Variants in FGGY observed in about 807,000 individuals in gnomAD.
The protein encoded by FGGY is FGGY carbohydrate kinase domain containing.
FGGY carries 72 observed loss-of-function variants against 71.3 expected under a neutral mutation model. The ratio of observed to expected loss-of-function variants is 1.01; its 90% confidence interval spans 0.84 to 1.23. FGGY has a LOEUF of 1.23. Among genes scored for constraint, FGGY ranks in the 50% most tolerant of loss-of-function variants. FGGY has a pLI of 0.00. For synonymous variants in FGGY, 251 were observed against 250.3 expected (o/e 1.00, Z -0.02); for missense variants, 668 against 682.3 (o/e 0.98, Z 0.23).
intron 6 of FGGY, among the ~76,000 whole-genome samples, chr1:59,462,288 A>G (rs2092299357): frequency 6.6e-6 from 1 of 152,172 alleles, no homozygotes; most frequent in African/African-American, 2.4e-5. Flanking sequence ...CCTTCCTTAC[A>G]CCTTATACAA....
intron 14 of FGGY, among the ~76,000 whole-genome samples, chr1:59,747,202 A>G (rs536915411): frequency 3.9e-5 from 6 of 152,324 alleles, no homozygotes; most frequent in African/African-American, 1.4e-4. Context: ...TTTAGCAAGA[A>G]GCTTCCTATT....
In FGGY at chr1:59,328,802, T is replaced by TA. The variant is rs1220010996; in HGVS notation, c.201+7053dup. On this transcript the variant is annotated intron_variant, in intron 2 of 15. Coordinates refer to ENST00000303721, the MANE Select transcript of FGGY (RefSeq NM_018291.5). ...TAATTTCAAAGTTGTGTCTCGGGGG[T>TA]AGGGATCCCTAAGGAGAGGGAGAGA... is the stretch of plus-strand genomic sequence containing the variant. 3.9e-5 allele frequency among the ~76,000 whole-genome samples: 6 copies of TA among 151,988 alleles called. No homozygotes were observed. In the East Asian group the frequency reaches 1.2e-3, roughly 29 times the overall value.
At chr1:59,611,343 T>C (rs2096675524) in intron 9 of FGGY, among the ~76,000 whole-genome samples, 1 of 152,134 alleles carries the variant, frequency 6.6e-6, no homozygotes, top group African/African-American at 2.4e-5. Flanking sequence ...GGCAGCAACA[T>C]TTCTGCAATA....
chr1:59,382,032 G>C (rs924533239), intron 5 of FGGY, among the ~76,000 whole-genome samples: 3 of 152,156 alleles, frequency 2.0e-5, no homozygotes, highest in Non-Finnish European at 4.4e-5. Flanking sequence ...CTAAGGTCAA[G>C]GCAGGTCTTC....
At chr1:59,507,334 C>G (rs1019214690) in intron 6 of FGGY, among the ~76,000 whole-genome samples, 5 of 152,190 alleles carry the variant, frequency 3.3e-5, no homozygotes, top group Non-Finnish European at 5.9e-5. Context: ...GTTACAGTCA[C>G]TGTGTATGAA....
chr1:59,623,088 G>T (rs1478271231), intron 9 of FGGY, among the ~76,000 whole-genome samples: 1 of 152,114 alleles, frequency 6.6e-6, no homozygotes, highest in East Asian at 1.9e-4. Context: ...GATTGTAAAA[G>T]AACTTGATAG....
At chr1:59,732,658 G>GA (rs2098048812) in intron 14 of FGGY, among the ~76,000 whole-genome samples, 1 of 151,934 alleles carries the variant, frequency 6.6e-6, no homozygotes, top group Non-Finnish European at 1.5e-5. Flanking sequence ...GAGGAAAGGG[G>GA]GGCAAGAAAG....
intron 4 of FGGY, among the ~76,000 whole-genome samples, chr1:59,356,220 G>C (rs757697778): frequency 7.9e-5 from 12 of 152,064 alleles, no homozygotes; most frequent in Non-Finnish European, 1.3e-4. Flanking sequence ...TTTGTTCAAG[G>C]AATCTGTCAT....
chr1:59,708,160 C>T (rs1474079552), intron 14 of FGGY, among the ~76,000 whole-genome samples: 3 of 152,170 alleles, frequency 2.0e-5, no homozygotes, highest in African/African-American at 7.2e-5. Flanking sequence ...CTTTGGGCTT[C>T]TCTAAAGGGA....
At chr1:59,514,697 C>T (rs2094599058) in intron 7 of FGGY, among the ~76,000 whole-genome samples, 1 of 152,170 alleles carries the variant, frequency 6.6e-6, no homozygotes, top group Admixed American at 6.5e-5. Flanking sequence ...GAATAAGTCT[C>T]ACGAGATCCG....
intron 4 of FGGY, among the ~76,000 whole-genome samples, chr1:59,374,432 A>G (rs1170532184): frequency 1.2e-4 from 19 of 152,324 alleles, no homozygotes; most frequent in African/African-American, 4.3e-4. Context: ...GTGGAGAAAT[A>G]GGAACACTTT....
Position 59,613,825 on chromosome 1 carries a change from G to A in FGGY, c.1011+5915G>A, listed in dbSNP as rs184916670. On this transcript the variant is annotated intron_variant, in intron 9 of 15. Coordinates refer to ENST00000303721, the MANE Select transcript of FGGY (RefSeq NM_018291.5). ...AAATGATAAAGGGGATATCACCACC[G>A]ATCCCATAGAAATACAAACTACCAT... 1.3e-3 allele frequency among the ~76,000 whole-genome samples: 196 copies of A among 152,204 alleles called. 1 individual carries two copies. The highest frequency in any genetic ancestry group is 4.2e-3 in the African/African-American group (176 of 41,532).
At chr1:59,491,295 G>T (rs1030548994) in intron 6 of FGGY, among the ~76,000 whole-genome samples, 1 of 151,294 alleles carries the variant, frequency 6.6e-6, no homozygotes, top group Non-Finnish European at 1.5e-5. Flanking sequence ...TACGTTGAGT[G>T]TGTAGGTTGC....
At chr1:59,485,760 C>A (rs1385218003) in intron 6 of FGGY, among the ~76,000 whole-genome samples, 3 of 152,084 alleles carry the variant, frequency 2.0e-5, no homozygotes, top group Non-Finnish European at 4.4e-5. Context: ...GTTCTAAGAT[C>A]TTTATTTGTA....
chr1:59,638,513 C>A, intron 11 of FGGY, 138 bp downstream of exon 11: 1 of 943,130 alleles, frequency 1.1e-6, no homozygotes, highest in South Asian at 1.7e-5. Context: ...AGATGCATTG[C>A]TGTTGCTGCT....
rs1328287531 is a variant in FGGY, at chr1:59,512,239, T to A, written c.671-72T>A. The stretch of plus-strand genomic sequence containing the variant: ...GGGAGGAGAGAGCAAAGAGTTTCTC[T>A]TAAAAAAAACCCTCTGTTTACTTTT... On this transcript the variant is annotated intron_variant, in intron 6 of 15. Transcript: ENST00000303721. The A allele has an allele frequency of 2.7e-6, 4 of 1,485,764 alleles. No homozygotes were observed. In the African/African-American group the frequency reaches 5.7e-5, roughly 21 times the overall value. 92.0% of individuals were successfully genotyped at this position (1,485,764 alleles called of 1,614,324 possible).
chr1:59,647,798 G>A (rs1374731437), intron 11 of FGGY, among the ~76,000 whole-genome samples: 1 of 124,630 alleles, frequency 8.0e-6, no homozygotes, highest in African/African-American at 3.2e-5. Context: ...TGCACATTGT[G>A]CAGGTTAGTT....
At chr1:59,627,879 T>G (rs75691261) in intron 10 of FGGY, among the ~76,000 whole-genome samples, 1 of 152,182 alleles carries the variant, frequency 6.6e-6, no homozygotes, top group Non-Finnish European at 1.5e-5. Flanking sequence ...TAAATAACTT[T>G]GTAAGTAAAC....
intron 11 of FGGY, among the ~76,000 whole-genome samples, chr1:59,649,224 G>A (rs1222662356): frequency 6.2e-4 from 91 of 147,540 alleles, no homozygotes; most frequent in African/African-American, 2.2e-3. Context: ...GATTGACTTG[G>A]CAATGCGGGC....
Sources: gnomAD v4.1 joint callset for allele counts (sites outside exome capture counted in the v4.1 genomes callset) on GRCh38, gnomAD v4.1.1 for gene constraint, MANE v1.5 for transcripts, NCBI Gene and HGNC (gene_info 2026-07-23, HGNC 2026-07-21) for gene names.